GPD2: variants seen among roughly 807,000 people sequenced by gnomAD.
GPD2 encodes the protein glycerol-3-phosphate dehydrogenase 2, also known as glycerol-3-phosphate dehydrogenase, mitochondrial.
GPD2 carries 54 observed loss-of-function variants against 82.4 expected under a neutral mutation model. The observed-to-expected ratio is 0.66, with a 90% CI of 0.53 to 0.82. The LOEUF is 0.82. Ranked by LOEUF, GPD2 falls within the 40% of genes least tolerant of loss-of-function variation. GPD2 has a pLI of 0.00. For missense variants in GPD2, 748 were observed against 896.2 expected (o/e 0.83, Z 2.11); for synonymous variants, 288 against 306.1 (o/e 0.94, Z 0.62).
At chr2:156,436,757 G>C (rs1337690032) in intron 1 of GPD2, 1 of 152,212 alleles carries the variant, frequency 6.6e-6, no homozygotes, top group Non-Finnish European at 1.5e-5. Context: ...TTTGGGGCGA[G>C]GGTTGGTACC....
chr2:156,557,471 G>A lies in GPD2; in HGVS notation c.1054G>A (p.Ala352Thr), dbSNP rs775190532. 8.7e-6 allele frequency: 14 copies of A among 1,603,336 alleles called. No individual in the cohort carries two copies. The highest frequency in any genetic ancestry group is 1.1e-5 in the South Asian group (1 of 90,912). Residue 352 changes from alanine (A) to threonine (T), a missense_variant, in exon 9 of 17, where the codon GCT becomes ACT. Around this residue, in one of 3 missense-constraint regions of GPD2, gnomAD observed 692 missense variants for 809.7 expected, o/e 0.85. Coordinates refer to ENST00000438166, the MANE Select transcript of GPD2 (RefSeq NM_000408.5). ...CTTACCCTGGCAAAAGATGACGATC[G>A]CTGGCACTACTGATACTCCAACTGA... ...FFLPWQKMTI[A>T]GTTDTPTDVT...
chr2:156,461,442 G>GA (rs1682984895), intron 1 of GPD2, among the ~76,000 whole-genome samples: 1 of 152,130 alleles, frequency 6.6e-6, no homozygotes, highest in Admixed American at 6.5e-5. Context: ...AGGTTGGTGT[G>GA]ATCGTGGCTC....
At chr2:156,519,555 A>G (rs1199562812) in intron 6 of GPD2, among the ~76,000 whole-genome samples, 2 of 152,236 alleles carry the variant, frequency 1.3e-5, no homozygotes, top group Non-Finnish European at 2.9e-5. Flanking sequence ...TATCCTTATT[A>G]TTGTGCAACC....
chr2:156,461,850 T>C (rs1445841338), intron 1 of GPD2, among the ~76,000 whole-genome samples: 1 of 152,256 alleles, frequency 6.6e-6, no homozygotes, highest in African/African-American at 2.4e-5. Flanking sequence ...CTGCCAGGTA[T>C]TCAGTCAATC....
chr2:156,563,875 T>A (rs533291226), intron 9 of GPD2, among the ~76,000 whole-genome samples: 1 of 152,136 alleles, frequency 6.6e-6, no homozygotes, highest in African/African-American at 2.4e-5. Flanking sequence ...TTAAATTAGT[T>A]ACAATTAACT....
the GPD2 span, among the ~76,000 whole-genome samples, chr2:156,418,441 A>T: frequency 6.6e-6 from 1 of 152,110 alleles, no homozygotes; most frequent in Non-Finnish European, 1.5e-5. Context: ...TTAATAATAA[A>T]AAAAAGGACC....
At chr2:156,506,894 A>G (rs980197517) in intron 3 of GPD2, among the ~76,000 whole-genome samples, 12 of 152,252 alleles carry the variant, frequency 7.9e-5, no homozygotes, top group Non-Finnish European at 1.6e-4. Context: ...AAAAATTTAA[A>G]TGTTATTCCT....
upstream of GPD2, chr2:156,435,356 A>C (rs200622604): frequency 6.6e-6 from 1 of 152,124 alleles, no homozygotes; most frequent in African/African-American, 2.4e-5. Context: ...TTGAGCCCCA[A>C]CTTTGCCTTC....
intron 3 of GPD2, among the ~76,000 whole-genome samples, chr2:156,500,516 C>G (rs911567405): frequency 2.0e-5 from 3 of 152,006 alleles, no homozygotes; most frequent in African/African-American, 7.2e-5. Flanking sequence ...ATGTTTTTAC[C>G]AAATTATTCC....
intron 1 of GPD2, among the ~76,000 whole-genome samples, chr2:156,458,866 T>G (rs1254812323): frequency 6.6e-6 from 1 of 152,086 alleles, no homozygotes; most frequent in Non-Finnish European, 1.5e-5. Flanking sequence ...ATCTAGAAAA[T>G]AATGCACACA....
At chr2:156,470,505 A>G (rs1381775441) in intron 1 of GPD2, among the ~76,000 whole-genome samples, 2 of 152,200 alleles carry the variant, frequency 1.3e-5, no homozygotes, top group African/African-American at 4.8e-5. Flanking sequence ...GCCCATTTGC[A>G]TGATTCTTAC....
chr2:156,513,243 T>C (rs1391275377), intron 5 of GPD2, 90 bp from the exon 6 acceptor site: 16 of 986,740 alleles, frequency 1.6e-5, no homozygotes, highest in South Asian at 1.3e-4. Flanking sequence ...GCTTTGTTTT[T>C]CTTAAATGAA....
rs1035139377 is a variant in GPD2 at position 156,513,368 on chromosome 2, A to G, written c.533A>G (p.Lys178Arg). The change falls in exon 6 of 17, where the codon AAG becomes AGG. Residue 178 changes from lysine to arginine, a missense_variant. Transcript: ENST00000438166. ...WQLPYYWVGI[K>R]LYDLVAGSNC... is the part of the protein sequence containing the mutation. ...TTACCTTACTACTGGGTAGGAATCA[A>G]GCTGTATGATTTGGTTGCAGGAAGC... 6.2e-7 allele frequency: 1 copy of G among 1,612,076 alleles called. No individual in the cohort carries two copies. Among genetic ancestry groups the G allele is most frequent in the Non-Finnish European group, 8.5e-7 (1 of 1,179,224 alleles).
chr2:156,555,849 C>A (rs1414273051), intron 8 of GPD2, among the ~76,000 whole-genome samples: 1 of 152,100 alleles, frequency 6.6e-6, no homozygotes, highest in Non-Finnish European at 1.5e-5. Flanking sequence ...TTGCAGACTT[C>A]CAGGGTGCTT....
intron 9 of GPD2, among the ~76,000 whole-genome samples, chr2:156,562,626 C>T (rs956218242): frequency 3.9e-5 from 6 of 151,928 alleles, no homozygotes; most frequent in Admixed American, 6.6e-5. Context: ...GAAGCTAAAC[C>T]GCACATTTAC....
intron 2 of GPD2, chr2:156,495,679 T>C (rs1684343604): frequency 2.4e-6 from 1 of 422,972 alleles, no homozygotes; most frequent in African/African-American, 2.1e-5. Context: ...TCTGAATGAA[T>C]TGCTAGTACT....
intron 13 of GPD2, among the ~76,000 whole-genome samples, chr2:156,571,493 T>C (rs1687639685): frequency 6.6e-6 from 1 of 152,172 alleles, no homozygotes; most frequent in Non-Finnish European, 1.5e-5. Flanking sequence ...AAATCTCTTG[T>C]AGAAAATGCT....
rs1685068161 is a variant in GPD2, at chr2:156,513,275, A to G, written c.498-58A>G. 4 of 1,171,794 alleles carry G rather than the reference A, an allele frequency of 3.4e-6. No individual in the cohort carries two copies. In the Admixed American group the frequency reaches 6.7e-5, roughly 20 times the overall value. 72.6% of individuals were successfully genotyped at this position (1,171,794 alleles called of 1,614,324 possible). ...TGAAAGTGTCTTGTAGTGTAAGGTAATATTCTATAATGCTATACTCTGTTT... is the reference window on the plus strand; with the variant it reads ...TGAAAGTGTCTTGTAGTGTAAGGTAGTATTCTATAATGCTATACTCTGTTT... On this transcript the variant is annotated intron_variant, in intron 5 of 16. Coordinates refer to ENST00000438166, the MANE Select transcript of GPD2 (RefSeq NM_000408.5).
rs201094855 is a variant in GPD2, at chr2:156,549,618, C to G, written c.672C>G (p.Asn224Lys). Reference sequence around the variant, plus strand: ...CTTTCCCCGCTGCAGGACAACATAACGATGCACGGATGAACCTTGCCATTG... The same window carrying G: ...CTTTCCCCGCTGCAGGACAACATAAGGATGCACGGATGAACCTTGCCATTG... Reference protein sequence around the residue: ...GAIVYYDGQHNDARMNLAIAL... With the variant: ...GAIVYYDGQHKDARMNLAIAL... The change falls in exon 7 of 17, where the codon AAC becomes AAG. Residue 224 changes from asparagine (N) to lysine (K), a missense_variant. By Grantham distance (94) the Asn-to-Lys change is moderately conservative. Around this residue, in one of 3 missense-constraint regions of GPD2, gnomAD observed 692 missense variants for 809.7 expected, o/e 0.85. Coordinates refer to ENST00000438166, the MANE Select transcript of GPD2 (RefSeq NM_000408.5). 6 of 1,613,960 alleles carry G rather than the reference C, an allele frequency of 3.7e-6. No homozygotes were observed. The Admixed American group carries it at 5.0e-5, about 13-fold the overall frequency.
Sources: allele counts gnomAD v4.1 joint callset (sites outside exome capture counted in the v4.1 genomes callset), GRCh38; gene constraint gnomAD v4.1.1; regional missense constraint gnomAD v4.1.1; transcripts MANE v1.5; gene names NCBI Gene and HGNC (gene_info 2026-07-23, HGNC 2026-07-21).